Variants in ATP6V1A observed in about 807,000 individuals in gnomAD.
The protein encoded by ATP6V1A is ATPase H+ transporting V1 subunit A, also known as V-type proton ATPase catalytic subunit A.
Under a neutral mutation model 70.1 loss-of-function variants are expected in ATP6V1A, and 18 were observed. The observed-to-expected ratio is 0.26, with a 90% CI of 0.18 to 0.38. The LOEUF is 0.38. ATP6V1A is among the 10% of genes least tolerant of loss of function. The pLI is 1.00. For synonymous variants in ATP6V1A, 232 were observed against 253.8 expected (o/e 0.91, Z 0.82); for missense variants, 424 against 772.4 (o/e 0.55, Z 5.35).
intron 11 of ATP6V1A, among the ~76,000 whole-genome samples, 200 bp downstream of exon 11, chr3:113,796,139 G>A (rs762444892): frequency 7.2e-5 from 11 of 152,184 alleles, no homozygotes; most frequent in Middle Eastern, 3.4e-3. Context: ...TGTTTACATA[G>A]GATTTATAAT....
At chr3:113,804,455 T>C (rs1258133863) in intron 13 of ATP6V1A, among the ~76,000 whole-genome samples, 1 of 152,200 alleles carries the variant, frequency 6.6e-6, no homozygotes. Flanking sequence ...TTATTATCAA[T>C]GCTACTACTG....
At chr3:113,749,680 G>A (rs1708563578) in intron 1 of ATP6V1A, among the ~76,000 whole-genome samples, 1 of 152,122 alleles carries the variant, frequency 6.6e-6, no homozygotes, top group African/African-American at 2.4e-5. Flanking sequence ...TCAGGACTGT[G>A]AACTATAATA....
At chr3:113,776,794 T>G (rs1406338249) in intron 1 of ATP6V1A, among the ~76,000 whole-genome samples, 1 of 152,232 alleles carries the variant, frequency 6.6e-6, no homozygotes, top group Non-Finnish European at 1.5e-5. Context: ...TATTTCTCAC[T>G]GCTGTTCTAA....
chr3:113,785,785 C>T (rs1709032577), intron 5 of ATP6V1A, among the ~76,000 whole-genome samples: 1 of 150,982 alleles, frequency 6.6e-6, no homozygotes, highest in South Asian at 2.1e-4. Flanking sequence ...TCTCCTGCCT[C>T]AGCCTTTCAA....
intron 1 of ATP6V1A, among the ~76,000 whole-genome samples, chr3:113,750,876 C>A (rs976775696): frequency 8.5e-5 from 13 of 152,078 alleles, no homozygotes; most frequent in Non-Finnish European, 1.8e-4. Flanking sequence ...TGAAAAGAAG[C>A]TATTACCCAA....
intron 1 of ATP6V1A, among the ~76,000 whole-genome samples, chr3:113,766,159 TG>T (rs1294738776): frequency 2.6e-5 from 4 of 152,174 alleles, no homozygotes; most frequent in Admixed American, 1.3e-4. Context: ...GTCTGGAGTG[TG>T]GGAAGTCCGA....
Position 113,810,499 on chromosome 3 carries a change from AAGGACTATTACAT to A in ATP6V1A, c.*1074_*1086del, listed in dbSNP as rs1709329281. ...ATTTCACTAGAAAAAATTTAATATC[AAGGACTATTACAT>A]ACTTCATTACTAGGAAGTTCTTTTT... On this transcript the variant is annotated 3_prime_UTR_variant, in exon 15 of 15. Transcript: ENST00000273398. The A allele has an allele frequency of 6.6e-6, 1 of 152,214 alleles. No individual in the cohort carries two copies. The highest frequency in any genetic ancestry group is 2.1e-4 in the South Asian group (1 of 4,836). 9.4% of individuals were successfully genotyped at this position (152,214 alleles called of 1,614,324 possible).
intron 14 of ATP6V1A, among the ~76,000 whole-genome samples, chr3:113,807,686 T>C (rs1709291969): frequency 6.6e-6 from 1 of 152,160 alleles, no homozygotes; most frequent in African/African-American, 2.4e-5. Context: ...AGAAAGAGGA[T>C]GAAGAAGAAA....
intron 6 of ATP6V1A, 72 bp from the exon 7 acceptor site, chr3:113,788,641 G>A (rs990757823): frequency 1.8e-5 from 27 of 1,478,120 alleles, no homozygotes; most frequent in African/African-American, 1.6e-4. Flanking sequence ...GAGCCACCGC[G>A]CCCGGCCCCT....
chr3:113,811,338 CCTG>C lies in ATP6V1A; in HGVS notation c.*1914_*1916del, dbSNP rs1289428903. On this transcript the variant is annotated 3_prime_UTR_variant, in exon 15 of 15. Transcript: ENST00000273398. Reference sequence around the variant, plus strand: ...TGCAGATTACATGTTTTTACAGTGGCCTGCTATTGAGGAAAGGTATTCTTCTAT... The same window carrying C: ...TGCAGATTACATGTTTTTACAGTGGCCTATTGAGGAAAGGTATTCTTCTAT... 6.6e-6 allele frequency: 1 copy of C among 152,518 alleles called. No individual in the cohort carries two copies. The highest frequency in any genetic ancestry group is 1.5e-5 in the Non-Finnish European group (1 of 68,018). The allele number at this position is 152,518 out of a possible 1,614,324, so 9.4% of individuals were successfully genotyped here.
intron 6 of ATP6V1A, among the ~76,000 whole-genome samples, chr3:113,786,899 C>T (rs1709045874): frequency 6.6e-6 from 1 of 152,070 alleles, no homozygotes; most frequent in South Asian, 2.1e-4. Flanking sequence ...CTGCCTCACC[C>T]TCCTGAGTAG....
At chr3:113,779,095 G>A (rs1708951940) in intron 2 of ATP6V1A, 1 of 267,012 alleles carries the variant, frequency 3.7e-6, no homozygotes, top group Non-Finnish European at 6.9e-6. Flanking sequence ...TTCAACCAGT[G>A]TTCAGTTTTA....
chr3:113,780,738 C>A, intron 2 of ATP6V1A: 3 of 1,299,072 alleles, frequency 2.3e-6, no homozygotes, highest in Non-Finnish European at 3.0e-6. Context: ...AAAGCCTTCA[C>A]TCCATGTATC....
Position 113,811,763 on chromosome 3 carries a change from A to T in ATP6V1A, c.*2336A>T, listed in dbSNP as rs1709343875. Reference sequence around the variant, plus strand: ...TTCAGATCGGTCACTGATAGTATGTATTTCTTTAGTAAGAATGTGTTAAAA... The same window carrying T: ...TTCAGATCGGTCACTGATAGTATGTTTTTCTTTAGTAAGAATGTGTTAAAA... On this transcript the variant is annotated 3_prime_UTR_variant, in exon 15 of 15. Transcript: ENST00000273398. 1 of 152,638 alleles carries T rather than the reference A, an allele frequency of 6.6e-6. No individual in the cohort carries two copies. Among genetic ancestry groups the T allele is most frequent in the South Asian group, 2.1e-4 (1 of 4,834 alleles). The allele number at this position is 152,638 out of a possible 1,614,324, so 9.5% of individuals were successfully genotyped here.
At chr3:113,748,238 A>T (rs1033048539) in intron 1 of ATP6V1A, among the ~76,000 whole-genome samples, 1 of 152,244 alleles carries the variant, frequency 6.6e-6, no homozygotes, top group African/African-American at 2.4e-5. Context: ...GTCCAACCCA[A>T]GTACTCCCAT....
chr3:113,779,317 T>A (rs1260283204), intron 2 of ATP6V1A: 1 of 152,274 alleles, frequency 6.6e-6, no homozygotes, highest in African/African-American at 2.4e-5. Flanking sequence ...TGTCACATTA[T>A]TAACTACCTG....
intron 1 of ATP6V1A, among the ~76,000 whole-genome samples, chr3:113,765,899 C>T (rs1009830293): frequency 6.6e-6 from 1 of 152,040 alleles, no homozygotes; most frequent in Non-Finnish European, 1.5e-5. Context: ...TGCACTCCAG[C>T]CTGGGTGATA....
intron 14 of ATP6V1A, among the ~76,000 whole-genome samples, chr3:113,807,638 C>T (rs575110826): frequency 6.6e-6 from 1 of 152,202 alleles, no homozygotes; most frequent in African/African-American, 2.4e-5. Context: ...CCATATGTAA[C>T]TTGATCCAAA....
chr3:113,780,684 C>T lies in ATP6V1A; in HGVS notation c.83-366C>T, dbSNP rs1265618883. 4.2e-6 allele frequency: 5 copies of T among 1,198,470 alleles called. No homozygotes were observed. The South Asian group carries it at 6.6e-5, about 16-fold the overall frequency. 74.2% of individuals were successfully genotyped at this position (1,198,470 alleles called of 1,614,324 possible). ...CATTCTACCATACTACTAGCCAAACCATTTATTCCAATTTCTACTTTTAAA... is the reference window on the plus strand; with the variant it reads ...CATTCTACCATACTACTAGCCAAACTATTTATTCCAATTTCTACTTTTAAA... On this transcript the variant is annotated intron_variant, in intron 2 of 14. Coordinates refer to ENST00000273398, the MANE Select transcript of ATP6V1A (RefSeq NM_001690.4).
Sources: gnomAD v4.1 joint callset for allele counts (sites outside exome capture counted in the v4.1 genomes callset) on GRCh38, gnomAD v4.1.1 for gene constraint, MANE v1.5 for transcripts, NCBI Gene and HGNC (gene_info 2026-07-23, HGNC 2026-07-21) for gene names.